Variants in STARD13 observed in about 807,000 individuals in gnomAD.
STARD13 encodes stAR-related lipid transfer protein 13.
STARD13 carries 62 observed loss-of-function variants against 106.4 expected under a neutral mutation model. The observed-to-expected ratio is 0.58, with a 90% confidence interval of 0.48 to 0.72. STARD13 has a LOEUF of 0.72. STARD13 is among the 30% of genes least tolerant of loss of function. The pLI is 0.00. For missense variants in STARD13, 1,387 were observed against 1,424.0 expected (o/e 0.97, Z 0.42); for synonymous variants, 565 against 553.0 (o/e 1.02, Z -0.31).
the STARD13 span, among the ~76,000 whole-genome samples, chr13:33,363,870 G>A: frequency 5.3e-5 from 8 of 152,210 alleles, no homozygotes; most frequent in African/African-American, 1.7e-4. Context: ...AACTGGGGCT[G>A]CAGAGTGGGC....
chr13:33,526,180 A>G, the STARD13 span, among the ~76,000 whole-genome samples: 3 of 152,040 alleles, frequency 2.0e-5, 1 homozygote, highest in South Asian at 6.2e-4. Flanking sequence ...TGTCACAATT[A>G]TTAAACCATC....
the STARD13 span, among the ~76,000 whole-genome samples, chr13:33,384,785 C>T: frequency 6.6e-6 from 1 of 152,092 alleles, no homozygotes; most frequent in Non-Finnish European, 1.5e-5. Context: ...CTCCACCCAC[C>T]TCTACCCTCA....
At chr13:33,669,274 G>A in the STARD13 span, among the ~76,000 whole-genome samples, 1 of 152,312 alleles carries the variant, frequency 6.6e-6, no homozygotes, top group South Asian at 2.1e-4. Context: ...AAAAAGGAAT[G>A]CAGAAACCTC....
At chr13:33,389,606 CTTAA>C in the STARD13 span, among the ~76,000 whole-genome samples, 5 of 152,254 alleles carry the variant, frequency 3.3e-5, no homozygotes, top group African/African-American at 9.6e-5. Context: ...TAAAAACACC[CTTAA>C]TTAATTCACA....
the STARD13 span, among the ~76,000 whole-genome samples, chr13:33,425,476 A>G: frequency 0.015 from 2,342 of 152,232 alleles, 58 homozygotes; most frequent in African/African-American, 0.052. Context: ...GAGATGCTAC[A>G]CCTTCTAGAA....
chr13:33,227,487 C>T (rs1888687729), intron 1 of STARD13, among the ~76,000 whole-genome samples: 1 of 152,174 alleles, frequency 6.6e-6, no homozygotes, highest in South Asian at 2.1e-4. Context: ...AAGAGACAGT[C>T]ATTAACTCTA....
chr13:33,374,244 T>C, the STARD13 span, among the ~76,000 whole-genome samples: 7 of 152,154 alleles, frequency 4.6e-5, no homozygotes, highest in African/African-American at 9.7e-5. Context: ...GTCAAATTCA[T>C]ACAGACAAAA....
At chr13:33,205,240 G>C (rs1027686242) in intron 1 of STARD13, among the ~76,000 whole-genome samples, 3 of 152,214 alleles carry the variant, frequency 2.0e-5, no homozygotes, top group Non-Finnish European at 4.4e-5. Flanking sequence ...TGTTCTGAAA[G>C]AGGGTAACAG....
At chr13:33,403,392 A>G in the STARD13 span, among the ~76,000 whole-genome samples, 1 of 152,184 alleles carries the variant, frequency 6.6e-6, no homozygotes, top group South Asian at 2.1e-4. Flanking sequence ...GGTTTCCTAA[A>G]CTAATTGTTT....
chr13:33,225,829 A>G (rs1041266037), intron 1 of STARD13, among the ~76,000 whole-genome samples: 2 of 152,212 alleles, frequency 1.3e-5, no homozygotes, highest in Non-Finnish European at 2.9e-5. Context: ...TTAGAAAACT[A>G]CATAACTGAA....
rs150962749 is a variant in STARD13, at chr13:33,171,289, G to A, written c.170-3667C>T. On this transcript the variant is annotated intron_variant, in intron 1 of 13. Coordinates refer to ENST00000336934, the MANE Select transcript of STARD13 (RefSeq NM_178006.4). Reference sequence around the variant, plus strand: ...ACTGTAGCTGTCTCATGGAAAACCTGAGTGTGGAGTGAAACCAGAGAGTGG... The same window carrying A: ...ACTGTAGCTGTCTCATGGAAAACCTAAGTGTGGAGTGAAACCAGAGAGTGG... Among the ~76,000 whole-genome samples the A allele has an allele frequency of 2.9e-3, 445 of 152,314 alleles. 2 individuals carry two copies. The highest frequency in any genetic ancestry group is 5.2e-3 in the Non-Finnish European group (355 of 68,032).
At chr13:33,477,355 C>T in the STARD13 span, among the ~76,000 whole-genome samples, 1 of 152,274 alleles carries the variant, frequency 6.6e-6, no homozygotes, top group South Asian at 2.1e-4. Flanking sequence ...GTCCCTTTAC[C>T]ACAGGGGTCC....
At chr13:33,427,172 C>G in the STARD13 span, among the ~76,000 whole-genome samples, 1 of 152,186 alleles carries the variant, frequency 6.6e-6, no homozygotes, top group Admixed American at 6.5e-5. Context: ...GCGTTGTTAT[C>G]CATATTAATA....
intron 1 of STARD13, among the ~76,000 whole-genome samples, chr13:33,257,562 A>C (rs1051977065): frequency 1.3e-5 from 2 of 152,218 alleles, no homozygotes; most frequent in South Asian, 4.1e-4. Flanking sequence ...GGATACACCT[A>C]AGGAGAGGAG....
chr13:33,543,874 G>T, the STARD13 span, among the ~76,000 whole-genome samples: 1 of 152,208 alleles, frequency 6.6e-6, no homozygotes, highest in South Asian at 2.1e-4. Flanking sequence ...GCTGTTGCAG[G>T]ACAGACGGTA....
the STARD13 span, among the ~76,000 whole-genome samples, chr13:33,473,939 G>A: frequency 1.3e-5 from 2 of 152,196 alleles, no homozygotes; most frequent in Non-Finnish European, 2.9e-5. Context: ...AGAGAGGAAA[G>A]CACCCCAATT....
the STARD13 span, among the ~76,000 whole-genome samples, chr13:33,610,688 G>A: frequency 6.6e-6 from 1 of 152,248 alleles, no homozygotes; most frequent in Non-Finnish European, 1.5e-5. Flanking sequence ...GCACTCACTG[G>A]GGCTGGTGGC....
chr13:33,220,714 A>G (rs1888311603), intron 1 of STARD13, among the ~76,000 whole-genome samples: 1 of 151,256 alleles, frequency 6.6e-6, no homozygotes, highest in Admixed American at 6.6e-5. Flanking sequence ...AATAAATAAA[A>G]TAAAGGCTGC....
chr13:33,253,032 C>T (rs1890167735), intron 1 of STARD13, among the ~76,000 whole-genome samples: 1 of 152,280 alleles, frequency 6.6e-6, no homozygotes, highest in East Asian at 1.9e-4. Flanking sequence ...AAAAGGTCAC[C>T]ACCAAACAAT....
Sources: allele counts gnomAD v4.1 joint callset (sites outside exome capture counted in the v4.1 genomes callset), GRCh38; gene constraint gnomAD v4.1.1; transcripts MANE v1.5; gene names NCBI Gene and HGNC (gene_info 2026-07-23, HGNC 2026-07-21).